Variants in INTS13 observed in about 807,000 individuals in gnomAD.
The protein encoded by INTS13 is integrator complex subunit 13, also known as asunder, spermatogenesis regulator homolog (Drosphila).
INTS13 carries 35 observed loss-of-function variants against 90.2 expected under a neutral mutation model. The observed-to-expected ratio is 0.39, with a 90% CI of 0.30 to 0.51. INTS13 has a LOEUF of 0.51. INTS13 is among the 20% of genes least tolerant of loss of function. The pLI is 0.80. For synonymous variants in INTS13, 309 were observed against 277.1 expected, an observed-to-expected ratio of 1.11 and a Z score of -1.14; for missense variants, 601 against 851.2, an observed-to-expected ratio of 0.71 and a Z score of 3.66.
chr12:26,926,085 CTG>C (rs1937858645), intron 5 of INTS13, among the ~76,000 whole-genome samples: 1 of 152,056 alleles, frequency 6.6e-6, no homozygotes, highest in African/African-American at 2.4e-5. Context: ...TTGTGAGTGT[CTG>C]AAGGATAAAG....
At chr12:26,906,503 A>T (rs534074100) in intron 15 of INTS13, 66 bp from the exon 16 acceptor site, 2 of 1,513,316 alleles carry the variant, frequency 1.3e-6, no homozygotes, top group South Asian at 2.4e-5. Context: ...CAAATTTCCA[A>T]ATTTCCAAAC....
intron 14 of INTS13, 64 bp from the exon 15 acceptor site, chr12:26,911,381 T>C (rs910705072): frequency 7.2e-7 from 1 of 1,394,780 alleles, no homozygotes; most frequent in African/African-American, 1.5e-5. Context: ...GGTCTAATAA[T>C]TAAACTAACT....
At chr12:26,906,710 A>T (rs557161004) in intron 15 of INTS13, among the ~76,000 whole-genome samples, 1 of 152,352 alleles carries the variant, frequency 6.6e-6, no homozygotes, top group East Asian at 1.9e-4. Context: ...GTTAAGAATG[A>T]TTACAGCATT....
intron 15 of INTS13, among the ~76,000 whole-genome samples, chr12:26,908,823 G>A (rs1346247304): frequency 2.0e-5 from 3 of 152,120 alleles, no homozygotes; most frequent in Admixed American, 1.3e-4. Flanking sequence ...AAAGTTACAA[G>A]GAAAGGCAGT....
chr12:26,920,107 G>A (rs1428504216), intron 8 of INTS13, among the ~76,000 whole-genome samples: 4 of 145,004 alleles, frequency 2.8e-5, no homozygotes, highest in East Asian at 2.2e-4. Flanking sequence ...CAGCCTGGGC[G>A]ACAGAGCGAG....
chr12:26,928,428 A>G, intron 4 of INTS13, 143 bp from the exon 5 acceptor site: 3 of 707,690 alleles, frequency 4.2e-6, no homozygotes, highest in Non-Finnish European at 7.0e-6. Flanking sequence ...AAGTCATACC[A>G]CTAAACAACT....
intron 16 of INTS13, 128 bp from the exon 17 acceptor site, chr12:26,905,664 G>T: frequency 2.2e-6 from 2 of 916,928 alleles, no homozygotes; most frequent in Non-Finnish European, 3.2e-6. Flanking sequence ...TTTAGGAAAG[G>T]ACTAACATCA....
rs750541289 is a variant in INTS13, at chr12:26,917,724, T to G, written c.899A>C (p.His300Pro). The G allele has an allele frequency of 1.2e-6, 2 of 1,613,598 alleles. No individual in the cohort carries two copies. Among genetic ancestry groups the G allele is most frequent in the Non-Finnish European group, 1.7e-6 (2 of 1,179,556 alleles). Reference sequence around the variant, plus strand: ...GCCTTCTCGACTGCCGCCACCTAGATGCGAATCACCTTTAAAAATATGTCA... The same window carrying G: ...GCCTTCTCGACTGCCGCCACCTAGAGGCGAATCACCTTTAAAAATATGTCA... ...HVDFLKSGDS[H>P]LGGGSREGSF... Residue 300 changes from histidine to proline, a missense_variant, in exon 9 of 17, where the codon CAT becomes CCT. This residue lies in a region of INTS13 where 284 missense variants were observed against 387.7 expected (regional missense o/e 0.73). Transcript: ENST00000261191.
At chr12:26,927,015 G>A (rs1186193894) in intron 5 of INTS13, among the ~76,000 whole-genome samples, 1 of 152,196 alleles carries the variant, frequency 6.6e-6, no homozygotes, top group East Asian at 1.9e-4. Flanking sequence ...GAGCTTCTAG[G>A]TTGGTAAACA....
chr12:26,936,773 C>T lies in INTS13; in HGVS notation c.31G>A (p.Val11Met). 6.2e-7 allele frequency: 1 copy of T among 1,613,974 alleles called. No homozygotes were observed. Among genetic ancestry groups the T allele is most frequent in the Non-Finnish European group, 8.5e-7 (1 of 1,179,924 alleles). Residue 11 changes from valine (V) to methionine (M), a missense_variant, in exon 2 of 17, where the codon GTG becomes ATG. Physicochemically the swap from Val to Met is conservative, Grantham distance 21 (BLOSUM62 1). This residue lies in a region of INTS13 where 284 missense variants were observed against 387.7 expected (regional missense o/e 0.73). Coordinates refer to ENST00000261191, the MANE Select transcript of INTS13 (RefSeq NM_018164.3). ...TAAGGGCAGTGATCCACAACAAACACTGTTTTATGAGATTCAGAAAAAATC... is the reference window on the plus strand; with the variant it reads ...TAAGGGCAGTGATCCACAACAAACATTGTTTTATGAGATTCAGAAAAAATC... MKIFSESHKT[V>M]FVVDHCPYMA...
intron 2 of INTS13, 134 bp from the exon 3 acceptor site, chr12:26,934,764 G>T: frequency 1.3e-6 from 1 of 753,002 alleles, no homozygotes; most frequent in Non-Finnish European, 2.3e-6. Context: ...TACAGAATGT[G>T]TAGTATATGC....
chr12:26,927,088 G>A (rs1937917504), intron 5 of INTS13, among the ~76,000 whole-genome samples: 1 of 152,192 alleles, frequency 6.6e-6, no homozygotes, highest in South Asian at 2.1e-4. Context: ...ATGCACTTGG[G>A]ATCCTTCCAA....
chr12:26,914,622 G>T, intron 11 of INTS13, 44 bp from the exon 12 acceptor site: 7 of 1,446,910 alleles, frequency 4.8e-6, no homozygotes, highest in Non-Finnish European at 5.7e-6. Flanking sequence ...TATGTCTAAT[G>T]TTTCAGTATG....
intron 3 of INTS13, 58 bp from the exon 4 acceptor site, chr12:26,928,963 A>G: frequency 6.8e-7 from 1 of 1,480,376 alleles, no homozygotes; most frequent in Non-Finnish European, 9.3e-7. Flanking sequence ...AGATAAAAAT[A>G]TCACAAGAAA....
chr12:26,918,360 C>T (rs1952004616), intron 8 of INTS13, among the ~76,000 whole-genome samples: 2 of 152,156 alleles, frequency 1.3e-5, no homozygotes, highest in Non-Finnish European at 2.9e-5. Context: ...AGTTTAAACT[C>T]TCCAAGGGAA....
At position 26,917,722 on chromosome 12, in the gene INTS13, G is replaced by C. The variant is rs1431463488; in HGVS notation, c.901C>G (p.Leu301Val). ...VDFLKSGDSH[L>V]GGGSREGSFK... The stretch of plus-strand genomic sequence containing the variant: ...GAGCCTTCTCGACTGCCGCCACCTA[G>C]ATGCGAATCACCTTTAAAAATATGT... The change falls in exon 9 of 17, where the codon CTA (leucine) becomes GTA (valine). Residue 301 changes from leucine to valine, a missense_variant. Transcript: ENST00000261191. 1.2e-6 allele frequency: 2 copies of C among 1,612,500 alleles called. No homozygotes were observed. Among genetic ancestry groups the C allele is most frequent in the Non-Finnish European group, 1.7e-6 (2 of 1,179,024 alleles).
At chr12:26,924,659 T>C (rs1937768958) in intron 6 of INTS13, among the ~76,000 whole-genome samples, 176 bp from the exon 7 acceptor site, 1 of 152,206 alleles carries the variant, frequency 6.6e-6, no homozygotes, top group African/African-American at 2.4e-5. Flanking sequence ...TTTCATGCAT[T>C]CATTCACTCA....
Position 26,905,203 on chromosome 12 carries a change from T to C in INTS13, c.*294A>G. On this transcript the variant is annotated 3_prime_UTR_variant, in exon 17 of 17. Coordinates refer to ENST00000261191, the MANE Select transcript of INTS13 (RefSeq NM_018164.3). The stretch of plus-strand genomic sequence containing the variant: ...ATGTTTTGCATTTCAAATATTTTAA[T>C]AGTTTTATTTCGCAAAGAGAAGCCT... 3.8e-6 allele frequency: 1 copy of C among 262,196 alleles called. No individual in the cohort carries two copies. Among genetic ancestry groups the C allele is most frequent in the Non-Finnish European group, 7.1e-6 (1 of 141,346 alleles). 16.2% of individuals were successfully genotyped at this position (262,196 alleles called of 1,614,324 possible).
chr12:26,925,896 G>T, intron 5 of INTS13, 45 bp from the exon 6 acceptor site: 1 of 1,376,606 alleles, frequency 7.3e-7, no homozygotes. Context: ...TACATAGTAT[G>T]TAAAGAATTC....
Sources: gnomAD v4.1 joint callset for allele counts (sites outside exome capture counted in the v4.1 genomes callset) on GRCh38, gnomAD v4.1.1 for gene constraint, gnomAD v4.1.1 regional missense constraint, MANE v1.5 for transcripts, NCBI Gene and HGNC (gene_info 2026-07-23, HGNC 2026-07-21) for gene names.